The following TBXT variants were observed in gnomAD, a reference collection of about 807,000 sequenced individuals.
TBXT encodes the protein T-box transcription factor T.
TBXT carries 19 observed loss-of-function variants against 41.1 expected under a neutral mutation model. The ratio of observed to expected loss-of-function variants is 0.46; its 90% CI spans 0.32 to 0.68. The LOEUF (loss-of-function observed/expected upper bound fraction) is 0.68. Ranked by LOEUF, TBXT falls within the 30% of genes least tolerant of loss-of-function variation. TBXT has a pLI of 0.03. For synonymous variants in TBXT, 213 were observed against 238.9 expected (o/e 0.89, Z 1.00); for missense variants, 536 against 582.0 (o/e 0.92, Z 0.81).
Position 166,162,517 on chromosome 6 carries a change from C to T in TBXT, c.837G>A (p.Arg279=). The change falls in exon 6 of 8, where the codon AGG becomes AGA. Residue 279 remains arginine, a synonymous_variant. Transcript: ENST00000366876. ...LSLPSTHSCD[R]YPTLRSHRSS... ...ACCGGTGGCTCCTCAGGGTTGGGTA[C>T]CTGTCACAGCTGTGCGTGGAGGGGA... 4 of 1,614,058 alleles carry T rather than the reference C, an allele frequency of 2.5e-6. No homozygotes were observed. Among genetic ancestry groups the T allele is most frequent in the Non-Finnish European group, 3.4e-6 (4 of 1,180,006 alleles).
At chr6:166,168,411 G>T (rs1779213904), upstream of TBXT, 2 of 152,382 alleles carry the variant, frequency 1.3e-5, no homozygotes, top group East Asian at 3.9e-4. Flanking sequence ...CGCTCGTCTC[G>T]CCGCAGTAGT....
At position 166,167,538 on chromosome 6, in the gene TBXT, G is replaced by A; in HGVS notation, c.54C>T (p.Asp18=). 6.3e-7 allele frequency: 1 copy of A among 1,597,900 alleles called. No individual in the cohort carries two copies. The highest frequency in any genetic ancestry group is 8.5e-7 in the Non-Finnish European group (1 of 1,176,736). ...CATTCTCCACGGCGCTCAGCAGGTG[G>A]TCCACTCGGTACTGCAGGCTCTTTC... ...SAGKSLQYRV[D]HLLSAVENEL... The change falls in exon 1 of 8, where the codon GAC becomes GAT. Residue 18 remains aspartate, a synonymous_variant. Transcript: ENST00000366876.
Position 166,167,637 on chromosome 6 carries a change from G to T in TBXT, c.-46C>A, listed in dbSNP as rs1489925902. 2.0e-6 allele frequency: 3 copies of T among 1,536,984 alleles called. No homozygotes were observed. The highest frequency in any genetic ancestry group is 2.0e-5 in the Admixed American group (1 of 51,088). ...CCCGCCGTCCCCGAAGCCCAGACTC[G>T]CTACCTGAGATCCACCTTCCCTGCT... On this transcript the variant is annotated 5_prime_UTR_variant, in exon 1 of 8. Coordinates refer to ENST00000366876, the MANE Select transcript of TBXT (RefSeq NM_001366285.2).
At chr6:166,159,926 C>T (rs553506635) in intron 7 of TBXT, among the ~76,000 whole-genome samples, 21 of 149,392 alleles carry the variant, frequency 1.4e-4, no homozygotes, top group Admixed American at 4.0e-4. Context: ...CGCTTGTTTA[C>T]GCATTGTTGC....
At chr6:166,165,652 C>T (rs1779086637) in intron 3 of TBXT, 54 bp downstream of exon 3, 43 of 1,612,070 alleles carry the variant, frequency 2.7e-5, no homozygotes, top group Non-Finnish European at 3.4e-5. Flanking sequence ...CTCCACGGAG[C>T]AGCACACCAC....
chr6:166,163,219 TCTC>T (rs892588825), intron 5 of TBXT, among the ~76,000 whole-genome samples: 2 of 152,054 alleles, frequency 1.3e-5, no homozygotes, highest in African/African-American at 4.8e-5. Context: ...GCCCTCCCCT[TCTC>T]CTCCTGCCAC....
intron 6 of TBXT, 152 bp downstream of exon 6, chr6:166,162,295 T>C (rs1374583134): frequency 3.8e-6 from 3 of 779,694 alleles, no homozygotes; most frequent in East Asian, 2.7e-5. Context: ...AAATTGAAGA[T>C]CTTCTCTTGA....
At position 166,158,322 on chromosome 6, in the gene TBXT, G is replaced by A; in HGVS notation, c.1304C>T (p.Ser435Phe). 4 of 1,614,258 alleles carry A rather than the reference G, an allele frequency of 2.5e-6. No individual in the cohort carries two copies. Among genetic ancestry groups the A allele is most frequent in the Non-Finnish European group, 3.4e-6 (4 of 1,180,050 alleles). ...GACCTGGGCCTTGCTGCTTCACATG[G>A]AAGGTGGCGACACAGGTGTCCATGA... ...IASWTPVSPP[S>F]M The change falls in exon 8 of 8, where the codon TCC becomes TTC. Residue 435 changes from serine to phenylalanine, a missense_variant. Transcript: ENST00000366876.
intron 5 of TBXT, among the ~76,000 whole-genome samples, chr6:166,164,026 G>A (rs753397716): frequency 4.6e-5 from 7 of 152,294 alleles, no homozygotes; most frequent in African/African-American, 9.6e-5. Context: ...TCCCTTCCCC[G>A]GGTGGAGAGG....
rs116620192 is a variant in TBXT, at chr6:166,160,872, G to A, written c.1002C>T (p.Pro334=). The stretch of plus-strand genomic sequence containing the variant: ...TAGGTGGGCTGGCATTGTGGCTCAC[G>A]GGGAGCATGCTGGGATGGGCAGGCA... ...LGMPAHPSML[P]VSHNASPPTS... is the part of the protein sequence containing the mutation. The change falls in exon 7 of 8, where the codon CCC becomes CCT. Residue 334 remains proline, a synonymous_variant. Coordinates refer to ENST00000366876, the MANE Select transcript of TBXT (RefSeq NM_001366285.2). The A allele has an allele frequency of 2.2e-4, 362 of 1,614,074 alleles. No homozygotes were observed. Among genetic ancestry groups the A allele is most frequent in the African/African-American group, 2.1e-3 (154 of 75,036 alleles).
chr6:166,164,565 G>A (rs1037008405), intron 5 of TBXT, 40 bp downstream of exon 5: 13 of 1,611,524 alleles, frequency 8.1e-6, no homozygotes, highest in East Asian at 4.5e-5. Context: ...GTCTAGTCCC[G>A]ATGACGCAGA....
chr6:166,160,415 C>A (rs1181412465), intron 7 of TBXT, among the ~76,000 whole-genome samples: 1 of 152,174 alleles, frequency 6.6e-6, no homozygotes, highest in Non-Finnish European at 1.5e-5. Flanking sequence ...TACCTACTGA[C>A]CCCAACAACC....
intron 6 of TBXT, among the ~76,000 whole-genome samples, chr6:166,161,925 A>G (rs1022691975): frequency 6.6e-6 from 1 of 151,940 alleles, no homozygotes; most frequent in African/African-American, 2.4e-5. Flanking sequence ...TCCGTCTCAA[A>G]AAAAAGCACA....
At chr6:166,159,880 C>T (rs1480485085) in intron 7 of TBXT, among the ~76,000 whole-genome samples, 2 of 152,224 alleles carry the variant, frequency 1.3e-5, no homozygotes, top group South Asian at 2.1e-4. Context: ...CGGGTGCAGG[C>T]TTCTGGGGCG....
intron 6 of TBXT, among the ~76,000 whole-genome samples, chr6:166,161,702 C>A (rs1778959765): frequency 6.9e-6 from 1 of 145,348 alleles, no homozygotes; most frequent in East Asian, 1.9e-4. Context: ...GCGGGTGGAT[C>A]ACGAGGTCAG....
chr6:166,164,889 G>T, intron 3 of TBXT, 28 bp from the exon 4 acceptor site: 1 of 1,590,150 alleles, frequency 6.3e-7, no homozygotes, highest in Non-Finnish European at 8.6e-7. Context: ...GCATTTACTA[G>T]TATATTCCCT....
chr6:166,162,403 G>C, intron 6 of TBXT, 44 bp downstream of exon 6: 1 of 1,610,656 alleles, frequency 6.2e-7, no homozygotes, highest in Non-Finnish European at 8.5e-7. Context: ...AAGTGGTCTT[G>C]CAGCCACCCA....
In TBXT at chr6:166,160,829, T is replaced by C. The variant is rs765491298; in HGVS notation, c.1037+8A>G. 5.0e-6 allele frequency: 8 copies of C among 1,614,092 alleles called. No homozygotes were observed. Among genetic ancestry groups the C allele is most frequent in the Non-Finnish European group, 5.9e-6 (7 of 1,180,000 alleles). On this transcript the variant is annotated splice_region_variant and intron_variant, in intron 7 of 7. Coordinates refer to ENST00000366876, the MANE Select transcript of TBXT (RefSeq NM_001366285.2). ...GATGCTTTGCACCAGGTCCTGGACA[T>C]ACATTACCTGGAGCTGGTAGGTGGG...
At chr6:166,162,877 C>T (rs1406341816) in intron 5 of TBXT, among the ~76,000 whole-genome samples, 2 of 152,150 alleles carry the variant, frequency 1.3e-5, no homozygotes, top group South Asian at 2.1e-4. Flanking sequence ...TGACTTCCCA[C>T]CTTCCCCTCA....
Sources: gnomAD v4.1 joint callset for allele counts (sites outside exome capture counted in the v4.1 genomes callset) on GRCh38, gnomAD v4.1.1 for gene constraint, MANE v1.5 for transcripts, NCBI Gene and HGNC (gene_info 2026-07-23, HGNC 2026-07-21) for gene names.